The following PRUNE2 variants were observed in gnomAD, a reference collection of about 807,000 sequenced individuals.
The protein encoded by PRUNE2 is protein prune homolog 2.
A neutral mutation model predicts 252.0 loss-of-function variants in PRUNE2; 164 were observed. The ratio of observed to expected loss-of-function variants is 0.65; its 90% CI spans 0.57 to 0.74. The LOEUF (loss-of-function observed/expected upper bound fraction) is 0.74. Among genes scored for constraint, PRUNE2 ranks in the 30% least tolerant of loss-of-function variants. PRUNE2 has a pLI of 0.00. For missense variants in PRUNE2, 3,495 were observed against 3,711.0 expected (o/e 0.94, Z 1.51); for synonymous variants, 1,292 against 1,350.2 (o/e 0.96, Z 0.94).
In PRUNE2 at chr9:76,705,330, G is replaced by A; in HGVS notation, c.6944C>T (p.Thr2315Ile). The stretch of plus-strand genomic sequence containing the variant: ...TGTCAGTTTACTCATGTCATCTATT[G>A]TTCCCGTGGATGTGTTGAGACCTGA... Reference protein sequence around the residue: ...DASGLNTSTGTIDDMSKLTLS... With the variant: ...DASGLNTSTGIIDDMSKLTLS... Residue 2315 changes from threonine to isoleucine, a missense_variant, in exon 8 of 19, where the codon ACA becomes ATA. Transcript: ENST00000376718. The A allele has an allele frequency of 6.2e-7, 1 of 1,613,990 alleles. No homozygotes were observed. Among genetic ancestry groups the A allele is most frequent in the Non-Finnish European group, 8.5e-7 (1 of 1,179,888 alleles).
intron 9 of PRUNE2, among the ~76,000 whole-genome samples, chr9:76,696,439 GT>G (rs2045390957): frequency 6.6e-6 from 1 of 151,878 alleles, no homozygotes; most frequent in Non-Finnish European, 1.5e-5. Context: ...CTTCCACTAG[GT>G]TTTTTGTTTG....
chr9:76,652,585 T>G lies in PRUNE2; in HGVS notation c.8455A>C (p.Ile2819Leu). The G allele has an allele frequency of 6.2e-7, 1 of 1,612,678 alleles. No individual in the cohort carries two copies. Among genetic ancestry groups the G allele is most frequent in the Non-Finnish European group, 8.5e-7 (1 of 1,178,730 alleles). The change falls in exon 11 of 19, where the codon ATT (isoleucine) becomes CTT (leucine). Residue 2819 changes from isoleucine (I) to leucine (L), a missense_variant. Ile to Leu is a conservative substitution (Grantham distance 5, BLOSUM62 2). Transcript: ENST00000376718. The part of the protein sequence containing the change: ...NLSLDQSEGS[I>L]LSDDNLDSPD... ...CTGTCCAAGTTATCATCAGAGAGAA[T>G]AGATCCTTCACTTTGGTCCAGAGAA... is the stretch of plus-strand genomic sequence containing the variant.
At chr9:76,841,088 G>A (rs1463617555) in intron 4 of PRUNE2, among the ~76,000 whole-genome samples, 1 of 152,166 alleles carries the variant, frequency 6.6e-6, no homozygotes, top group Non-Finnish European at 1.5e-5. Flanking sequence ...GGTGATGTCT[G>A]CATTTCCAAC....
intron 4 of PRUNE2, among the ~76,000 whole-genome samples, chr9:76,827,617 T>C (rs2058421188): frequency 6.6e-6 from 1 of 151,938 alleles, no homozygotes; most frequent in South Asian, 2.1e-4. Context: ...ACGCCAGTCA[T>C]GGGGGAGGGA....
At chr9:76,844,188 G>GTC (rs748111970) in intron 4 of PRUNE2, among the ~76,000 whole-genome samples, 6 of 152,272 alleles carry the variant, frequency 3.9e-5, no homozygotes, top group Non-Finnish European at 5.9e-5. Context: ...TTGGATGTGT[G>GTC]TCCCCTCCAA....
Position 76,798,727 on chromosome 9 carries a change from C to A in PRUNE2, c.756+24905G>T, listed in dbSNP as rs140643593. On this transcript the variant is annotated intron_variant, in intron 6 of 18. Coordinates refer to ENST00000376718, the MANE Select transcript of PRUNE2 (RefSeq NM_015225.3). ...CATGACCACATAAACCACAAGCCTC[C>A]CCCATCTTCTCTATTATTAGAGCGT... is the stretch of plus-strand genomic sequence containing the variant. 1.5e-3 allele frequency among the ~76,000 whole-genome samples: 225 copies of A among 152,246 alleles called. No individual in the cohort carries two copies. The South Asian group carries it at 0.02, about 14-fold the overall frequency.
intron 6 of PRUNE2, chr9:76,778,688 G>A (rs1564284000): frequency 6.6e-6 from 1 of 152,192 alleles, no homozygotes; most frequent in Admixed American, 6.5e-5. Flanking sequence ...TCTATAAAGT[G>A]GGATATAGTA....
chr9:76,793,068 A>G (rs1267837033), intron 6 of PRUNE2, among the ~76,000 whole-genome samples: 1 of 152,262 alleles, frequency 6.6e-6, no homozygotes, highest in Non-Finnish European at 1.5e-5. Context: ...TCCAAATCCA[A>G]GTCTATTATG....
chr9:76,828,949 G>T (rs1490190341), intron 4 of PRUNE2, among the ~76,000 whole-genome samples: 4 of 149,860 alleles, frequency 2.7e-5, no homozygotes, highest in African/African-American at 9.9e-5. Flanking sequence ...TCTGGGAGGC[G>T]GAGGTTGCAG....
chr9:76,801,119 G>A (rs2056520956), intron 6 of PRUNE2, among the ~76,000 whole-genome samples: 2 of 152,210 alleles, frequency 1.3e-5, no homozygotes, highest in Non-Finnish European at 2.9e-5. Flanking sequence ...AACTAAATAT[G>A]AATAAAAGCT....
chr9:76,813,792 T>C (rs1237573369), intron 6 of PRUNE2, among the ~76,000 whole-genome samples: 5 of 152,204 alleles, frequency 3.3e-5, no homozygotes, highest in Admixed American at 6.5e-5. Context: ...ATACTATATA[T>C]GATATATTGT....
At position 76,707,889 on chromosome 9, in the gene PRUNE2, T is replaced by C; in HGVS notation, c.4385A>G (p.Asp1462Gly). Residue 1462 changes from aspartate to glycine, a missense_variant, in exon 8 of 19, where the codon GAT (aspartate) becomes GGT (glycine). By Grantham distance (94) the Asp-to-Gly change is moderately conservative (BLOSUM62 -1). Coordinates refer to ENST00000376718, the MANE Select transcript of PRUNE2 (RefSeq NM_015225.3). The part of the protein sequence containing the change: ...FTKYVSVPEK[D>G]LEKTEECNFL... ...GTTACATTCTTCAGTTTTCTCAAGA[T>C]CCTTTTCAGGTACAGATACATATTT... 6.2e-7 allele frequency: 1 copy of C among 1,613,904 alleles called. No homozygotes were observed. The highest frequency in any genetic ancestry group is 8.5e-7 in the Non-Finnish European group (1 of 1,179,838).
intron 6 of PRUNE2, among the ~76,000 whole-genome samples, chr9:76,772,215 C>T (rs1261085819): frequency 6.6e-6 from 1 of 152,162 alleles, no homozygotes; most frequent in African/African-American, 2.4e-5. Context: ...TGAGAAGACA[C>T]CAGTGCCCAC....
In PRUNE2 at chr9:76,655,375, T is replaced by C. The variant is rs376728662; in HGVS notation, c.8356+48A>G. ...ATTCTTTCACTGAATAATGAAAACGTTGGGATACAGAATACCAACGAAGGA... is the reference window on the plus strand; with the variant it reads ...ATTCTTTCACTGAATAATGAAAACGCTGGGATACAGAATACCAACGAAGGA... On this transcript the variant is annotated intron_variant, in intron 10 of 18. Coordinates refer to ENST00000376718, the MANE Select transcript of PRUNE2 (RefSeq NM_015225.3). 301 of 1,303,222 alleles carry C rather than the reference T, an allele frequency of 2.3e-4. 1 individual carries two copies. In the Middle Eastern group the frequency reaches 3.1e-3, roughly 13 times the overall value. The allele number at this position is 1,303,222 out of a possible 1,614,324, so 80.7% of individuals were successfully genotyped here.
chr9:76,885,159 T>C (rs1185618486), intron 1 of PRUNE2, among the ~76,000 whole-genome samples: 1 of 152,210 alleles, frequency 6.6e-6, no homozygotes, highest in Non-Finnish European at 1.5e-5. Flanking sequence ...TTTTTAAAGA[T>C]AGATGAACTC....
In PRUNE2 at chr9:76,885,911, G is replaced by A. The variant is rs1026890704; in HGVS notation, c.36+20017C>T. ...TCTATGCAATGCGGCCGGGTGCGGC[G>A]GTTTACGCCTATAATCCCAGCACTT... On this transcript the variant is annotated intron_variant, in intron 1 of 18. Transcript: ENST00000376718. 9.0e-4 allele frequency among the ~76,000 whole-genome samples: 137 copies of A among 152,122 alleles called. 3 individuals carry two copies. The highest frequency in any genetic ancestry group is 8.3e-3 in the Admixed American group (127 of 15,282).
At chr9:76,641,564 C>T (rs1440845134) in intron 12 of PRUNE2, among the ~76,000 whole-genome samples, 2 of 152,180 alleles carry the variant, frequency 1.3e-5, no homozygotes, top group African/African-American at 4.8e-5. Flanking sequence ...AAGGGGTCAG[C>T]TAACCCCTCA....
chr9:76,827,784 G>T (rs183127034), intron 4 of PRUNE2, among the ~76,000 whole-genome samples: 1 of 152,166 alleles, frequency 6.6e-6, no homozygotes, highest in Admixed American at 6.5e-5. Flanking sequence ...AAAGTCCCAA[G>T]CAAGTCGTCT....
chr9:76,847,531 G>C (rs560858559), intron 3 of PRUNE2, among the ~76,000 whole-genome samples: 16 of 152,176 alleles, frequency 1.1e-4, no homozygotes, highest in African/African-American at 3.9e-4. Context: ...TTAGTGAGTA[G>C]ACTAGCTGGT....
Sources: gnomAD v4.1 joint callset for allele counts (sites outside exome capture counted in the v4.1 genomes callset) on GRCh38, gnomAD v4.1.1 for gene constraint, MANE v1.5 for transcripts, NCBI Gene and HGNC (gene_info 2026-07-23, HGNC 2026-07-21) for gene names.